The following ANKFN1 variants were observed in gnomAD, a reference collection of about 807,000 sequenced individuals.
ANKFN1 encodes ankyrin repeat and fibronectin type-III domain-containing protein 1.
ANKFN1 carries 74 observed loss-of-function variants against 108.7 expected under a neutral mutation model. That is an observed-to-expected ratio of 0.68 (90% CI 0.56 to 0.83). The LOEUF (loss-of-function observed/expected upper bound fraction) is 0.83. Ranked by LOEUF, ANKFN1 falls within the 40% of genes least tolerant of loss-of-function variation. The pLI, the probability that ANKFN1 is intolerant of heterozygous loss-of-function variation, is 0.00. For missense variants in ANKFN1, 1,505 were observed against 1,382.3 expected (o/e 1.09, Z -1.41); for synonymous variants, 547 against 516.2 (o/e 1.06, Z -0.81).
chr17:56,341,864 C>T (rs528454949), intron 4 of ANKFN1, among the ~76,000 whole-genome samples: 3 of 151,858 alleles, frequency 2.0e-5, no homozygotes, highest in Non-Finnish European at 2.9e-5. Context: ...TTTTTGGAAT[C>T]GTTTCAGTAG....
intron 8 of ANKFN1, among the ~76,000 whole-genome samples, chr17:56,411,577 A>T (rs1401207109): frequency 6.6e-6 from 1 of 152,242 alleles, no homozygotes; most frequent in Non-Finnish European, 1.5e-5. Context: ...GATCTTAGAG[A>T]AAAAGCTTTC....
At chr17:56,494,393 A>G (rs1226408056) in intron 19 of ANKFN1, among the ~76,000 whole-genome samples, 2 of 152,110 alleles carry the variant, frequency 1.3e-5, no homozygotes, top group Non-Finnish European at 2.9e-5. Flanking sequence ...TGAGGAGAAT[A>G]CGAAAGACTG....
At chr17:56,368,761 G>A (rs2046732087) in intron 6 of ANKFN1, among the ~76,000 whole-genome samples, 1 of 152,066 alleles carries the variant, frequency 6.6e-6, no homozygotes, top group South Asian at 2.1e-4. Context: ...TGTGTCAAAA[G>A]GACATTTAAA....
chr17:56,441,903 CTT>C (rs980270788), intron 9 of ANKFN1, among the ~76,000 whole-genome samples: 2 of 145,722 alleles, frequency 1.4e-5, no homozygotes. Flanking sequence ...CAAAGATGTG[CTT>C]TTTTTTTTTA....
intron 1 of ANKFN1, among the ~76,000 whole-genome samples, chr17:56,156,741 G>A (rs139958130): frequency 4.9e-4 from 74 of 152,210 alleles, no homozygotes; most frequent in Non-Finnish European, 8.2e-4. Flanking sequence ...TTTCTTTTAC[G>A]CTTAGAGTTA....
intron 3 of ANKFN1, among the ~76,000 whole-genome samples, chr17:56,291,075 A>G (rs2044350481): frequency 6.6e-6 from 1 of 152,310 alleles, no homozygotes; most frequent in South Asian, 2.1e-4. Flanking sequence ...TGAAAAGAAG[A>G]GTCTGGATCA....
intron 3 of ANKFN1, among the ~76,000 whole-genome samples, chr17:56,307,637 A>T (rs1216180618): frequency 1.3e-5 from 2 of 152,204 alleles, no homozygotes; most frequent in East Asian, 3.8e-4. Context: ...GTGGGACTGT[A>T]AACTAGTTCA....
chr17:56,163,897 G>A (rs1034865432), intron 1 of ANKFN1, among the ~76,000 whole-genome samples: 3 of 152,174 alleles, frequency 2.0e-5, no homozygotes, highest in Admixed American at 6.5e-5. Flanking sequence ...AACAGTTTTG[G>A]TTTATTACTC....
intron 1 of ANKFN1, among the ~76,000 whole-genome samples, chr17:56,160,225 G>A (rs754858989): frequency 6.6e-6 from 1 of 152,270 alleles, no homozygotes; most frequent in East Asian, 1.9e-4. Context: ...CTCTTTAAGA[G>A]GATGATTGAT....
chr17:56,172,314 C>T (rs1052578675), intron 1 of ANKFN1, among the ~76,000 whole-genome samples: 1 of 152,092 alleles, frequency 6.6e-6, no homozygotes, highest in Non-Finnish European at 1.5e-5. Flanking sequence ...AATGGTATGT[C>T]TACTCCTCTT....
chr17:56,263,523 T>C (rs1442206890), intron 3 of ANKFN1, among the ~76,000 whole-genome samples: 1 of 152,254 alleles, frequency 6.6e-6, no homozygotes, highest in Non-Finnish European at 1.5e-5. Flanking sequence ...CATTAAAGGT[T>C]AATTTACAAG....
intron 3 of ANKFN1, among the ~76,000 whole-genome samples, chr17:56,322,654 C>T (rs975193602): frequency 1.3e-5 from 2 of 152,206 alleles, no homozygotes; most frequent in Non-Finnish European, 2.9e-5. Flanking sequence ...TATGCCGTGA[C>T]GCCGAACCTG....
intron 20 of ANKFN1, among the ~76,000 whole-genome samples, chr17:56,505,376 A>G (rs1050008839): frequency 1.3e-5 from 2 of 152,228 alleles, no homozygotes; most frequent in African/African-American, 2.4e-5. Context: ...TACCATTTAT[A>G]GCACAAGAGG....
Position 56,309,312 on chromosome 17 carries a change from T to C in ANKFN1, c.54-16909T>C, listed in dbSNP as rs149870955. On this transcript the variant is annotated intron_variant, in intron 3 of 20. Coordinates refer to ENST00000682825, the MANE Select transcript of ANKFN1 (RefSeq NM_001370326.1). ...TGTTTTAAGAAAGTGGTCCATTTCA[T>C]TACAGGTATCAAATTTATACTTATA... Among the ~76,000 whole-genome samples the C allele has an allele frequency of 3.3e-3, 509 of 152,314 alleles. 1 individual carries two copies. Among genetic ancestry groups the C allele is most frequent in the Non-Finnish European group, 5.4e-3 (368 of 68,020 alleles).
At chr17:56,401,150 T>C (rs921746886) in intron 8 of ANKFN1, among the ~76,000 whole-genome samples, 4 of 152,154 alleles carry the variant, frequency 2.6e-5, no homozygotes, top group African/African-American at 9.6e-5. Context: ...TGATGTGGAT[T>C]GCACTGAATT....
chr17:56,152,262 A>ATGTGTGTGTGTGTGTGTGTGTGTG (rs200366444), upstream of ANKFN1, among the ~76,000 whole-genome samples: 1 of 77,714 alleles, frequency 1.3e-5, no homozygotes. Context: ...ATATATATAT[A>ATGTGTGTGTGTGTGTGTGTGTGTG]TGTGTGTGTG....
chr17:56,253,209 C>T (rs954541924), intron 3 of ANKFN1, among the ~76,000 whole-genome samples: 4 of 152,146 alleles, frequency 2.6e-5, no homozygotes, highest in African/African-American at 9.7e-5. Context: ...TGCTGTACTT[C>T]CTAGCAGCAG....
rs766678239 is a variant in ANKFN1, at chr17:56,466,422, A to G, written c.1624A>G (p.Ile542Val). 6.2e-7 allele frequency: 1 copy of G among 1,614,230 alleles called. No homozygotes were observed. The highest frequency in any genetic ancestry group is 8.5e-7 in the Non-Finnish European group (1 of 1,180,028). The change falls in exon 15 of 21, where the codon ATA (isoleucine) becomes GTA (valine). Residue 542 changes from isoleucine to valine, a missense_variant. Ile to Val is a conservative substitution (Grantham distance 29). Coordinates refer to ENST00000682825, the MANE Select transcript of ANKFN1 (RefSeq NM_001370326.1). ...GCCCATTAAAGATCGACATGGAAAC[A>G]TACTCATAGTCACCATCAGGGAGGT... ...YEPIKDRHGN[I>V]LIVTIREVEM...
At chr17:56,137,861 C>T (rs1289395409) in intron 4 of ANKFN1, among the ~76,000 whole-genome samples, 1 of 152,124 alleles carries the variant, frequency 6.6e-6, no homozygotes, top group Non-Finnish European at 1.5e-5. Context: ...CATACATTTA[C>T]CAGAAGTCTG....
Sources: gnomAD v4.1 joint callset for allele counts (sites outside exome capture counted in the v4.1 genomes callset) on GRCh38, gnomAD v4.1.1 for gene constraint, MANE v1.5 for transcripts, NCBI Gene and HGNC (gene_info 2026-07-23, HGNC 2026-07-21) for gene names.